The following PPIL2 variants were observed in gnomAD, a reference collection of about 807,000 sequenced individuals.
PPIL2 encodes the protein RING-type E3 ubiquitin-protein ligase PPIL2.
A neutral mutation model predicts 75.2 loss-of-function variants in PPIL2; 50 were observed. The ratio of observed to expected loss-of-function variants is 0.66; its 90% CI spans 0.53 to 0.84. The LOEUF is 0.84. Ranked by LOEUF, PPIL2 falls within the 40% of genes least tolerant of loss-of-function variation. The probability of loss-of-function intolerance (pLI) is 0.00; values close to 1 mark genes in which losing one functional copy is unlikely to be tolerated. For synonymous variants in PPIL2, 245 were observed against 258.8 expected (o/e 0.95, Z 0.51); for missense variants, 590 against 685.0 (o/e 0.86, Z 1.55).
At position 21,695,445 on chromosome 22, in the gene PPIL2, CAAG is replaced by C. The variant is rs749873803; in HGVS notation, c.1525_1527del (p.Lys509del). 3.5e-5 allele frequency: 57 copies of C among 1,610,028 alleles called. No homozygotes were observed. The highest frequency in any genetic ancestry group is 1.6e-4 in the Middle Eastern group (1 of 6,078). On this transcript the variant is annotated inframe_deletion, in exon 20 of 20. Transcript: ENST00000398831. ...CAACCAGTGCCACTGTCCCCATGTC[CAAG>C]AAGAAGCCCAGTCGGGGTTTTGGGG...
chr22:21,692,412 C>A (rs1451249433), intron 15 of PPIL2, among the ~76,000 whole-genome samples: 1 of 151,776 alleles, frequency 6.6e-6, no homozygotes, highest in Non-Finnish European at 1.5e-5. Flanking sequence ...CCTTGGCCTC[C>A]CAAAGTGCTG....
intron 9 of PPIL2, among the ~76,000 whole-genome samples, chr22:21,684,103 G>C (rs900142955): frequency 4.6e-5 from 7 of 151,832 alleles, no homozygotes; most frequent in African/African-American, 1.7e-4. Flanking sequence ...GCTACTTGGG[G>C]GGCTGAGGCA....
Position 21,697,006 on chromosome 22 carries a change from C to G in PPIL2, c.*1516C>G, listed in dbSNP as rs1248982702. The stretch of plus-strand genomic sequence containing the variant: ...TGGCTGGCTCCTTCTCTTCTCCAGC[C>G]CATCCCTCTGCAGCCTGTCATCCCT... On this transcript the variant is annotated 3_prime_UTR_variant, in exon 20 of 20. Transcript: ENST00000398831. The G allele has an allele frequency of 6.5e-7, 1 of 1,545,506 alleles. No individual in the cohort carries two copies. The highest frequency in any genetic ancestry group is 2.0e-5 in the Admixed American group (1 of 51,018).
At chr22:21,677,255 G>C (rs1282252221) in intron 6 of PPIL2, among the ~76,000 whole-genome samples, 1 of 123,464 alleles carries the variant, frequency 8.1e-6, no homozygotes, top group African/African-American at 2.8e-5. Flanking sequence ...CCAGACGATG[G>C]GTGGCTGGGC....
Position 21,669,924 on chromosome 22 carries a change from G to C in PPIL2, c.44G>C (p.Cys15Ser), listed in dbSNP as rs2066564729. The change falls in exon 2 of 20, where the codon TGT (cysteine) becomes TCT (serine). Residue 15 changes from cysteine (C) to serine (S), a missense_variant. Coordinates refer to ENST00000398831, the MANE Select transcript of PPIL2 (RefSeq NM_014337.4). ...QHQKDKMYIT[C>S]AEYTHFYGGK... ...CCTCTCTTCTTCAGGTACATTACCT[G>C]TGCTGAATACACTCACTTTTATGGT... 1 of 1,613,846 alleles carries C rather than the reference G, an allele frequency of 6.2e-7. No individual in the cohort carries two copies. Among genetic ancestry groups the C allele is most frequent in the Non-Finnish European group, 8.5e-7 (1 of 1,179,834 alleles).
intron 4 of PPIL2, among the ~76,000 whole-genome samples, chr22:21,671,672 A>T (rs1055289779): frequency 2.0e-5 from 3 of 152,046 alleles, no homozygotes; most frequent in African/African-American, 4.8e-5. Flanking sequence ...CCTCCTGAGT[A>T]GCTGAGATTT....
At chr22:21,683,592 A>C (rs956877414) in intron 9 of PPIL2, among the ~76,000 whole-genome samples, 1 of 152,148 alleles carries the variant, frequency 6.6e-6, no homozygotes. Flanking sequence ...AGCCAGCAGG[A>C]CTCATGTTCA....
chr22:21,688,555 G>T (rs958435411), intron 14 of PPIL2, among the ~76,000 whole-genome samples, 177 bp from the exon 15 acceptor site: 1 of 152,156 alleles, frequency 6.6e-6, no homozygotes, highest in Non-Finnish European at 1.5e-5. Context: ...GTTTGGAGGC[G>T]TGGGGGCTCC....
At position 21,696,166 on chromosome 22, in the gene PPIL2, G is replaced by A; in HGVS notation, c.*676G>A. Reference sequence around the variant, plus strand: ...GGTCTGTTTTGACAAAACTTCAGGGGCTTCTGAAGGCTGGTGTTGGACGGC... The same window carrying A: ...GGTCTGTTTTGACAAAACTTCAGGGACTTCTGAAGGCTGGTGTTGGACGGC... On this transcript the variant is annotated 3_prime_UTR_variant, in exon 20 of 20. Transcript: ENST00000398831. 2 of 998,438 alleles carry A rather than the reference G, an allele frequency of 2.0e-6. No homozygotes were observed. Among genetic ancestry groups the A allele is most frequent in the Non-Finnish European group, 2.4e-6 (2 of 837,044 alleles). 61.8% of individuals were successfully genotyped at this position (998,438 alleles called of 1,614,324 possible).
At chr22:21,679,303 C>T (rs1624238) in intron 6 of PPIL2, among the ~76,000 whole-genome samples, 37,347 of 151,474 alleles carry the variant, frequency 0.25, 4,620 homozygotes, top group Middle Eastern at 0.31. Flanking sequence ...CAGCATCCCC[C>T]CACCAAAAAA....
At chr22:21,682,745 C>G (rs2067184312) in intron 8 of PPIL2, among the ~76,000 whole-genome samples, 1 of 152,244 alleles carries the variant, frequency 6.6e-6, no homozygotes, top group South Asian at 2.1e-4. Context: ...CACAGGGTCC[C>G]TGCAGGTGTC....
intron 3 of PPIL2, 37 bp from the exon 4 acceptor site, chr22:21,670,960 G>A (rs762174812): frequency 7.7e-6 from 12 of 1,564,032 alleles, no homozygotes; most frequent in Non-Finnish European, 1.1e-5. Flanking sequence ...TGACCAGGGT[G>A]CGTGGCAACT....
At chr22:21,686,607 C>T (rs1353935916) in intron 11 of PPIL2, 49 bp downstream of exon 11, 1 of 1,574,618 alleles carries the variant, frequency 6.4e-7, no homozygotes, top group African/African-American at 1.3e-5. Flanking sequence ...CCAAAAGTGG[C>T]AGGGGGTGGG....
chr22:21,688,152 G>T (rs377032866), intron 14 of PPIL2, 46 bp downstream of exon 14: 1 of 1,612,254 alleles, frequency 6.2e-7, no homozygotes, highest in East Asian at 2.2e-5. Flanking sequence ...TGGCTGCTCC[G>T]TGGGGCATGA....
At chr22:21,687,967 C>A in intron 13 of PPIL2, 106 bp from the exon 14 acceptor site, 1 of 1,442,864 alleles carries the variant, frequency 6.9e-7, no homozygotes, top group Non-Finnish European at 9.7e-7. Context: ...ACCAAGAGCC[C>A]AGCCCCTGTG....
intron 6 of PPIL2, among the ~76,000 whole-genome samples, chr22:21,677,782 TGA>T (rs1219719369): frequency 2.6e-5 from 4 of 152,094 alleles, no homozygotes; most frequent in African/African-American, 9.7e-5. Context: ...CTCTCCTGAA[TGA>T]GAGGAGCATG....
chr22:21,679,681 C>T (rs1189815005), intron 6 of PPIL2, among the ~76,000 whole-genome samples: 1 of 151,320 alleles, frequency 6.6e-6, no homozygotes, highest in Non-Finnish European at 1.5e-5. Context: ...AAGCAATCCT[C>T]CCACCTTGGC....
Position 21,669,922 on chromosome 22 carries a change from C to T in PPIL2, c.42C>T (p.Thr14=), listed in dbSNP as rs776672902. 1.9e-6 allele frequency: 3 copies of T among 1,613,924 alleles called. No individual in the cohort carries two copies. Among genetic ancestry groups the T allele is most frequent in the East Asian group, 4.5e-5 (2 of 44,880 alleles). Reference sequence around the variant, plus strand: ...TTCCTCTCTTCTTCAGGTACATTACCTGTGCTGAATACACTCACTTTTATG... The same window carrying T: ...TTCCTCTCTTCTTCAGGTACATTACTTGTGCTGAATACACTCACTTTTATG... ...RQHQKDKMYI[T]CAEYTHFYGG... is the part of the protein sequence containing the mutation. Residue 14 remains threonine, a synonymous_variant, in exon 2 of 20, where the codon ACC becomes ACT. Coordinates refer to ENST00000398831, the MANE Select transcript of PPIL2 (RefSeq NM_014337.4).
At position 21,688,757 on chromosome 22, in the gene PPIL2, CT is replaced by C; in HGVS notation, c.1049del (p.Phe350SerfsTer58). On this transcript the variant is annotated frameshift_variant, in exon 15 of 20. Transcript: ENST00000398831. LOFTEE classifies it high-confidence loss of function. ...GTGGGGAGTCATACTGGGGGAAGCCCTTCAAAGACGAGTTCCGGCCCAACCT... is the reference window on the plus strand; with the variant it reads ...GTGGGGAGTCATACTGGGGGAAGCCCTCAAAGACGAGTTCCGGCCCAACCT... The part of the protein sequence containing the change: ...TGGESYWGKP[F>X]KDEFRPNLSH... The C allele has an allele frequency of 6.2e-7, 1 of 1,614,226 alleles. No homozygotes were observed.
Sources: gnomAD v4.1 joint callset for allele counts (sites outside exome capture counted in the v4.1 genomes callset) on GRCh38, gnomAD v4.1.1 for gene constraint, MANE v1.5 for transcripts, NCBI Gene and HGNC (gene_info 2026-07-23, HGNC 2026-07-21) for gene names.